Variants in TRMT2B observed in about 807,000 individuals in gnomAD.
The protein encoded by TRMT2B is tRNA (uracil-5-)-methyltransferase homolog B.
A neutral mutation model predicts 39.7 loss-of-function variants in TRMT2B; 34 were observed. The ratio of observed to expected loss-of-function variants is 0.86; its 90% CI spans 0.65 to 1.14. The LOEUF is 1.14. Among genes scored for constraint, TRMT2B ranks in the 50% most tolerant of loss-of-function variants. The pLI is 0.00. For missense variants in TRMT2B, 318 were observed against 377.2 expected (o/e 0.84, Z 1.30); for synonymous variants, 132 against 137.3 (o/e 0.96, Z 0.27).
chrX:100,973,724 T>C, the TRMT2B span: 1 of 1,209,703 alleles, frequency 8.3e-7, no homozygotes, highest in African/African-American at 1.7e-5. Context: ...TGCTCTTGCC[T>C]AAGGACAACA....
Position 101,037,150 on chromosome X carries a change from G to A in TRMT2B, c.439-77C>T. The A allele has an allele frequency of 6.2e-6, 5 of 805,307 alleles. No individual in the cohort carries two copies. In the East Asian group the frequency reaches 9.4e-5, roughly 15 times the overall value. The allele number at this position is 805,307 out of a possible 1,213,427, so 66.4% of individuals were successfully genotyped here. A position where few individuals can be genotyped will look rare whatever the true frequency, so the allele number is the denominator to read the frequency against. On this transcript the variant is annotated intron_variant, in intron 5 of 13. Transcript: ENST00000372936. ...GAAGATAACAATAAAGGGAAAGCAGGAATGTTCTCTGGATGAGGACAAATA... is the reference window on the plus strand; with the variant it reads ...GAAGATAACAATAAAGGGAAAGCAGAAATGTTCTCTGGATGAGGACAAATA...
intron 8 of TRMT2B, 21 bp from the exon 9 acceptor site, chrX:101,022,083 G>A (rs1170202883): frequency 1.4e-5 from 16 of 1,154,171 alleles, no homozygotes; most frequent in Non-Finnish European, 1.8e-5. Context: ...CATAAAATTA[G>A]CAGTTAAGCA....
intron 2 of TRMT2B, among the ~76,000 whole-genome samples, chrX:101,043,046 C>A (rs2088341062): frequency 8.9e-6 from 1 of 111,889 alleles, no homozygotes; most frequent in South Asian, 3.7e-4. Flanking sequence ...GCAGGTGGAT[C>A]ACCTGAGGTC....
chrX:101,019,158 G>T, intron 12 of TRMT2B, 88 bp from the exon 13 acceptor site: 1 of 1,124,407 alleles, frequency 8.9e-7, no homozygotes, highest in Non-Finnish European at 1.2e-6. Flanking sequence ...ACTCAGGATT[G>T]ATTAGAAATA....
the TRMT2B span, chrX:100,974,337 G>GCACA: frequency 2.3e-6 from 1 of 431,970 alleles, no homozygotes; most frequent in Non-Finnish European, 4.1e-6. Context: ...TAACACACAC[G>GCACA]CACACACACA....
At chrX:101,002,897 TAAA>T in the TRMT2B span, among the ~76,000 whole-genome samples, 14 of 109,876 alleles carry the variant, frequency 1.3e-4, no homozygotes, top group African/African-American at 4.3e-4. Flanking sequence ...TACACGAAAA[TAAA>T]AAAGTTAGAA....
At chrX:100,988,292 C>T in the TRMT2B span, 1 of 1,205,449 alleles carries the variant, frequency 8.3e-7, no homozygotes, top group South Asian at 1.8e-5. Context: ...AGGTAAATGG[C>T]CCTTTAAATG....
chrX:100,984,153 C>T, the TRMT2B span, among the ~76,000 whole-genome samples: 1 of 106,364 alleles, frequency 9.4e-6, no homozygotes, highest in South Asian at 4.4e-4. Context: ...CACTCTTGTC[C>T]CCCATGCTGG....
At chrX:101,021,888 T>C in intron 9 of TRMT2B, 80 bp downstream of exon 9, 2 of 738,965 alleles carry the variant, frequency 2.7e-6, no homozygotes, top group Non-Finnish European at 4.3e-6. Context: ...TCCTCCACCA[T>C]CAATCAGCAA....
At chrX:101,006,482 C>T (rs756479712), downstream of TRMT2B, among the ~76,000 whole-genome samples, 14 of 110,103 alleles carry the variant, frequency 1.3e-4, no homozygotes, top group African/African-American at 4.0e-4. Flanking sequence ...TATCTGTATA[C>T]CTTATACAGA....
At chrX:101,012,823 A>AT (rs538177422) in intron 13 of TRMT2B, among the ~76,000 whole-genome samples, 9,474 of 103,454 alleles carry the variant, frequency 0.092, 447 homozygotes, top group Admixed American at 0.13. Context: ...GAAATTTATT[A>AT]TTTTTTTTTT....
At chrX:101,038,388 A>G (rs751005078) in intron 4 of TRMT2B, among the ~76,000 whole-genome samples, 4,516 of 107,667 alleles carry the variant, frequency 0.042, 295 homozygotes, top group African/African-American at 0.15. Flanking sequence ...AAAAAAAAAA[A>G]AAAAAAGAAA....
chrX:100,995,212 T>C, the TRMT2B span, among the ~76,000 whole-genome samples: 180 of 111,719 alleles, frequency 1.6e-3, 6 homozygotes, highest in East Asian at 0.046. Context: ...GAATGAGAAC[T>C]GTCACCCAAC....
chrX:100,984,614 C>A, the TRMT2B span, among the ~76,000 whole-genome samples: 2 of 112,499 alleles, frequency 1.8e-5, no homozygotes, highest in East Asian at 5.5e-4. Context: ...TAACAACCAC[C>A]ATAAACATTT....
chrX:101,004,341 A>T, the TRMT2B span, among the ~76,000 whole-genome samples: 8 of 110,707 alleles, frequency 7.2e-5, no homozygotes, highest in Admixed American at 5.8e-4. Flanking sequence ...TCACACAGAA[A>T]AAAAAAACCA....
chrX:101,046,921 C>T (rs1216346618), intron 2 of TRMT2B, among the ~76,000 whole-genome samples: 4 of 108,667 alleles, frequency 3.7e-5, no homozygotes, highest in East Asian at 2.9e-4. Flanking sequence ...AGCGAAACTC[C>T]GTCCCCCCAG....
chrX:101,003,681 G>A, the TRMT2B span, among the ~76,000 whole-genome samples: 19 of 111,978 alleles, frequency 1.7e-4, no homozygotes, highest in Middle Eastern at 4.6e-3. Flanking sequence ...TAATTACAAA[G>A]AGGAAAATTA....
the TRMT2B span, chrX:100,985,908 C>T: frequency 5.0e-6 from 6 of 1,205,099 alleles, no homozygotes; most frequent in African/African-American, 1.7e-5. Context: ...CAGGGAAACC[C>T]ATCTTAATGT....
chrX:101,033,953 C>T (rs906994392), intron 7 of TRMT2B, among the ~76,000 whole-genome samples: 11 of 109,296 alleles, frequency 1.0e-4, no homozygotes, highest in African/African-American at 3.7e-4. Flanking sequence ...AGGGATTCTC[C>T]TGCCTCAACC....
Sources: gnomAD v4.1 joint callset for allele counts (sites outside exome capture counted in the v4.1 genomes callset) on GRCh38, gnomAD v4.1.1 for gene constraint, MANE v1.5 for transcripts, NCBI Gene and HGNC (gene_info 2026-07-23, HGNC 2026-07-21) for gene names.